The following PITPNM1 variants were observed in gnomAD, a reference collection of about 807,000 sequenced individuals.
The protein encoded by PITPNM1 is phosphatidylinositol transfer protein membrane associated 1.
A neutral mutation model predicts 133.3 loss-of-function variants in PITPNM1; 74 were observed. That is an observed-to-expected ratio of 0.56 (90% confidence interval 0.46 to 0.67). The LOEUF (loss-of-function observed/expected upper bound fraction) is 0.67, where lower values mean the gene tolerates loss of function less well. Ranked by LOEUF, PITPNM1 falls within the 30% of genes least tolerant of loss-of-function variation. PITPNM1 has a pLI of 0.00. For missense variants in PITPNM1, 1,398 were observed against 1,739.5 expected (o/e 0.80, Z 3.49); for synonymous variants, 738 against 741.4 (o/e 1.00, Z 0.08).
chr11:67,493,199 G>T, intron 22 of PITPNM1, 137 bp from the exon 23 acceptor site: 1 of 1,184,894 alleles, frequency 8.4e-7, no homozygotes. Flanking sequence ...GTCCCACGGG[G>T]ACAGGGGCGG....
chr11:67,493,906 G>C lies in PITPNM1; in HGVS notation c.3008+16C>G. 2.0e-6 allele frequency: 3 copies of C among 1,533,720 alleles called. No homozygotes were observed. The highest frequency in any genetic ancestry group is 2.5e-5 in the South Asian group (2 of 79,978). Reference sequence around the variant, plus strand: ...TGGCGGAGCCCTCCCGCAGAGGCCCGGCCAGCCGCGCTCACCTGACCACCA... The same window carrying C: ...TGGCGGAGCCCTCCCGCAGAGGCCCCGCCAGCCGCGCTCACCTGACCACCA... On this transcript the variant is annotated intron_variant, in intron 20 of 23. Transcript: ENST00000356404.
At chr11:67,503,321 A>T (rs1394880560) in intron 2 of PITPNM1, among the ~76,000 whole-genome samples, 1 of 152,174 alleles carries the variant, frequency 6.6e-6, no homozygotes, top group East Asian at 1.9e-4. Flanking sequence ...GGCAGGTGGC[A>T]AGGAGGCCGG....
In PITPNM1 at chr11:67,502,436, G is replaced by A. The variant is rs1866359920; in HGVS notation, c.294-23C>T. On this transcript the variant is annotated intron_variant, in intron 3 of 23. Transcript: ENST00000356404. This position sits in a 1 kb window ranked among gnomAD's most constrained non-coding sequence, Gnocchi z 5.9. The stretch of plus-strand genomic sequence containing the variant: ...TACCTGGGCAGAAGGCACGGGTGAG[G>A]CTCACTGCTGTACCCACCAGGGCCG... 6.2e-7 allele frequency: 1 copy of A among 1,613,754 alleles called. No homozygotes were observed. Among genetic ancestry groups the A allele is most frequent in the African/African-American group, 1.3e-5 (1 of 75,074 alleles).
In PITPNM1 at chr11:67,498,632, G is replaced by A; in HGVS notation, c.1448C>T (p.Pro483Leu). ...GGCATAGGCGGCGGCGCAGATGGGTGGACAGGGCACCAGTCGCAGCGCCAC... is the reference window on the plus strand; with the variant it reads ...GGCATAGGCGGCGGCGCAGATGGGTAGACAGGGCACCAGTCGCAGCGCCAC... ...GHVALRLVPCPPICAAAYALV... is the reference protein window; with the variant it reads ...GHVALRLVPCLPICAAAYALV... Residue 483 changes from proline (P) to leucine (L), a missense_variant, in exon 10 of 24, where the codon CCA becomes CTA. By Grantham distance (98) the Pro-to-Leu change is moderately conservative (BLOSUM62 -3). This residue lies in a region of PITPNM1 where 574 missense variants were observed against 698.7 expected (regional missense o/e 0.82). Coordinates refer to ENST00000356404, the MANE Select transcript of PITPNM1 (RefSeq NM_004910.3). This position sits in a 1 kb window ranked among gnomAD's most constrained non-coding sequence, Gnocchi z 5.7. 1 of 1,599,010 alleles carries A rather than the reference G, an allele frequency of 6.3e-7. No homozygotes were observed. The highest frequency in any genetic ancestry group is 8.5e-7 in the Non-Finnish European group (1 of 1,179,868).
intron 20 of PITPNM1, 26 bp from the exon 21 acceptor site, chr11:67,493,863 G>A: frequency 8.5e-6 from 13 of 1,528,098 alleles, no homozygotes; most frequent in East Asian, 2.4e-5. Flanking sequence ...CGGGGCGTGA[G>A]TGGCGCGGGG....
chr11:67,493,153 G>A, intron 22 of PITPNM1, 91 bp from the exon 23 acceptor site: 2 of 1,489,220 alleles, frequency 1.3e-6, no homozygotes, highest in African/African-American at 1.4e-5. Flanking sequence ...TGTTCTGGGG[G>A]TGGGTCCAGG....
chr11:67,493,898 A>G, intron 20 of PITPNM1, 24 bp downstream of exon 20: 1 of 1,533,300 alleles, frequency 6.5e-7, no homozygotes, highest in Non-Finnish European at 8.8e-7. Context: ...GCCCTCCCGC[A>G]GAGGCCCGGC....
intron 22 of PITPNM1, 48 bp from the exon 23 acceptor site, chr11:67,493,110 G>C (rs1865988644): frequency 6.2e-7 from 1 of 1,608,304 alleles, no homozygotes. Flanking sequence ...GAGCCGTGCA[G>C]CTGGGGGCGG....
intron 2 of PITPNM1, among the ~76,000 whole-genome samples, chr11:67,503,523 C>A (rs151063782): frequency 2.3e-4 from 35 of 152,222 alleles, no homozygotes; most frequent in African/African-American, 7.0e-4. Context: ...CCCTTTCAAG[C>A]CCGAGGCGGG....
intron 5 of PITPNM1, among the ~76,000 whole-genome samples, chr11:67,501,441 G>A (rs1866318617): frequency 6.6e-6 from 1 of 152,192 alleles, no homozygotes; most frequent in East Asian, 1.9e-4. Context: ...GAACACCAGG[G>A]CCAAAGGCTG....
chr11:67,492,039 C>A lies in PITPNM1; in HGVS notation c.3729G>T (p.Glu1243Asp). Residue 1243 changes from glutamate to aspartate, a missense_variant, in exon 24 of 24, where the codon GAG becomes GAT. Physicochemically the swap from Glu to Asp is conservative, Grantham distance 45. This residue lies in a region of PITPNM1 where 122 missense variants were observed against 123.3 expected (regional missense o/e 0.99). Transcript: ENST00000356404. Reference sequence around the variant, plus strand: ...GTCCAGGCTGGTGTGGGCCTCACTCCTCGCTGTCCAGCTTCAGGCTGATGC... The same window carrying A: ...GTCCAGGCTGGTGTGGGCCTCACTCATCGCTGTCCAGCTTCAGGCTGATGC... ...ARSISLKLDS[E>D]E 1 of 1,612,122 alleles carries A rather than the reference C, an allele frequency of 6.2e-7. No homozygotes were observed. The highest frequency in any genetic ancestry group is 8.5e-7 in the Non-Finnish European group (1 of 1,179,630).
At chr11:67,499,674 C>CCTG in intron 8 of PITPNM1, 49 bp downstream of exon 8, 1 of 965,390 alleles carries the variant, frequency 1.0e-6, no homozygotes, top group African/African-American at 1.7e-5. Flanking sequence ...AAACTCATGA[C>CCTG]CTGCTGTACA....
In PITPNM1 at chr11:67,498,950, C is replaced by G; in HGVS notation, c.1223G>C (p.Arg408Thr). Residue 408 changes from arginine (R) to threonine (T), a missense_variant, in exon 9 of 24, where the codon AGG (arginine) becomes ACG (threonine). Arg to Thr is a moderately conservative substitution (Grantham distance 71). Around this residue, in one of 5 missense-constraint regions of PITPNM1, gnomAD observed 574 missense variants for 698.7 expected, o/e 0.82. Transcript: ENST00000356404. The surrounding 1 kb of genome is among the most constrained non-coding windows in gnomAD (Gnocchi z 5.7). Reference protein sequence around the residue: ...KGIEDGAQAPRDSEGLDGAGE... With the variant: ...KGIEDGAQAPTDSEGLDGAGE... ...GCTGACCATACTCGCCTCTGAGTCCCTGGGTGCTTGGGCCCCATCCTCAAT... is the reference window on the plus strand; with the variant it reads ...GCTGACCATACTCGCCTCTGAGTCCGTGGGTGCTTGGGCCCCATCCTCAAT... 6.2e-7 allele frequency: 1 copy of G among 1,612,876 alleles called. No individual in the cohort carries two copies. Among genetic ancestry groups the G allele is most frequent in the Non-Finnish European group, 8.5e-7 (1 of 1,179,686 alleles).
Position 67,492,214 on chromosome 11 carries a change from G to T in PITPNM1, c.3554C>A (p.Ala1185Asp). 6.2e-7 allele frequency: 1 copy of T among 1,610,102 alleles called. No individual in the cohort carries two copies. ...ACCATAGCTGCTCTTGCCCAAGGCAGCTCTCGGGGGTCCCGAGGAGGCATG... is the reference window on the plus strand; with the variant it reads ...ACCATAGCTGCTCTTGCCCAAGGCATCTCTCGGGGGTCCCGAGGAGGCATG... Reference protein sequence around the residue: ...HSHASSGPPRAALGKSSYGVA... With the variant: ...HSHASSGPPRDALGKSSYGVA... The change falls in exon 24 of 24, where the codon GCT becomes GAT. Residue 1185 changes from alanine (A) to aspartate (D), a missense_variant. This residue lies in a region of PITPNM1 where 122 missense variants were observed against 123.3 expected (regional missense o/e 0.99). Coordinates refer to ENST00000356404, the MANE Select transcript of PITPNM1 (RefSeq NM_004910.3).
rs568094736 is a variant in PITPNM1, at chr11:67,493,612, G to C, written c.3159-19C>G. The stretch of plus-strand genomic sequence containing the variant: ...CCAGTGCCTGTGGGGCGGGGGCAGC[G>C]GTCAGCTCCGCTGGCCAGGGGTGAG... On this transcript the variant is annotated intron_variant, in intron 21 of 23. Coordinates refer to ENST00000356404, the MANE Select transcript of PITPNM1 (RefSeq NM_004910.3). 1.9e-6 allele frequency: 3 copies of C among 1,545,052 alleles called. No homozygotes were observed. The African/African-American group carries it at 4.1e-5, about 21-fold the overall frequency.
In PITPNM1 at chr11:67,494,906, G is replaced by C. The variant is rs765636574; in HGVS notation, c.2682C>G (p.Ile894Met). 1 of 1,613,052 alleles carries C rather than the reference G, an allele frequency of 6.2e-7. No homozygotes were observed. The highest frequency in any genetic ancestry group is 8.5e-7 in the Non-Finnish European group (1 of 1,179,840). ...PQLAECEEPSIYSPAFPREKW... is the reference protein window; with the variant it reads ...PQLAECEEPSMYSPAFPREKW... The stretch of plus-strand genomic sequence containing the variant: ...TCTCCCTGGGGAAGGCCGGGCTGTA[G>C]ATGGACGGCTCCTCGCATTCCGCCA... Residue 894 changes from isoleucine to methionine, a missense_variant, in exon 18 of 24, where the codon ATC becomes ATG. Transcript: ENST00000356404.
At chr11:67,493,284 C>A in intron 22 of PITPNM1, 126 bp downstream of exon 22, 2 of 1,155,522 alleles carry the variant, frequency 1.7e-6, no homozygotes. Flanking sequence ...CGTAGCGGGC[C>A]GCTGCAGTCA....
At chr11:67,492,400 G>A (rs1466595483) in intron 23 of PITPNM1, 104 bp from the exon 24 acceptor site, 3 of 1,204,568 alleles carry the variant, frequency 2.5e-6, no homozygotes, top group South Asian at 1.6e-5. Context: ...GGGACTGGTG[G>A]CAGGCTTGGC....
chr11:67,501,854 G>A lies in PITPNM1; in HGVS notation c.640+8C>T, dbSNP rs760916951. The stretch of plus-strand genomic sequence containing the variant: ...GGTAAGTGGGACCTCCCGCAGCTGG[G>A]TGCTCACCTACATCATGGATGAACT... On this transcript the variant is annotated splice_region_variant and intron_variant, in intron 5 of 23. Transcript: ENST00000356404. 1.2e-6 allele frequency: 2 copies of A among 1,612,724 alleles called. No individual in the cohort carries two copies. The highest frequency in any genetic ancestry group is 1.7e-6 in the Non-Finnish European group (2 of 1,179,260).
Sources: gnomAD v4.1 joint callset for allele counts (sites outside exome capture counted in the v4.1 genomes callset) on GRCh38, gnomAD v4.1.1 for gene constraint, gnomAD v4.1.1 regional missense constraint, Gnocchi (gnomAD v3.1) non-coding constraint, MANE v1.5 for transcripts, NCBI Gene and HGNC (gene_info 2026-07-23, HGNC 2026-07-21) for gene names.